Variants in WDR70 observed in about 807,000 individuals in gnomAD.
The protein encoded by WDR70 is WD repeat domain 70, also known as WD repeat-containing protein 70.
A neutral mutation model predicts 88.6 loss-of-function variants in WDR70; 53 were observed. That is an observed-to-expected ratio of 0.60 (90% CI 0.48 to 0.75). The LOEUF is 0.75. Among genes scored for constraint, WDR70 ranks in the 30% least tolerant of loss-of-function variants. WDR70 has a pLI of 0.00. For missense variants in WDR70, 610 were observed against 823.2 expected (o/e 0.74, Z 3.17); for synonymous variants, 280 against 270.0 (o/e 1.04, Z -0.36).
At chr5:37,733,580 T>C (rs189538083) in intron 17 of WDR70, among the ~76,000 whole-genome samples, 95 of 152,198 alleles carry the variant, frequency 6.2e-4, no homozygotes, top group African/African-American at 2.2e-3. Context: ...GTTCTGTCAA[T>C]TGGTCTGGCT....
chr5:37,678,243 T>C (rs1178282395), intron 10 of WDR70, among the ~76,000 whole-genome samples: 1 of 152,216 alleles, frequency 6.6e-6, no homozygotes, highest in East Asian at 1.9e-4. Context: ...TTAAAGTTAA[T>C]ATTGTTATGT....
chr5:37,487,621 A>ATTTTTTTTTTTTT (rs1561871968), intron 8 of WDR70, among the ~76,000 whole-genome samples: 12 of 37,700 alleles, frequency 3.2e-4, no homozygotes, highest in African/African-American at 8.8e-4. Context: ...ATATATATAT[A>ATTTTTTTTTTTTT]TATGTATTTT....
rs111426175 is a variant in WDR70, at chr5:37,699,946, CA to C, written c.1193-1103del. Among the ~76,000 whole-genome samples, 150 of 119,536 alleles carry C rather than the reference CA, an allele frequency of 1.3e-3. 1 individual carries two copies. The highest frequency in any genetic ancestry group is 4.3e-3 in the African/African-American group (136 of 31,442). The allele number at this position is 119,536 out of a possible 152,430, so 78.4% of individuals were successfully genotyped here. ...TGAGTGACAGAGCAAGACTCTGTCT[CA>C]AAAAAAAACAAAAAACAAAAACAAA... On this transcript the variant is annotated intron_variant, in intron 11 of 17. Coordinates refer to ENST00000265107, the MANE Select transcript of WDR70 (RefSeq NM_018034.4).
intron 10 of WDR70, among the ~76,000 whole-genome samples, chr5:37,643,478 G>T (rs1438887201): frequency 1.3e-5 from 2 of 150,884 alleles, no homozygotes; most frequent in African/African-American, 4.9e-5. Flanking sequence ...GTTTTTTGTG[G>T]TTCCATATAA....
intron 9 of WDR70, among the ~76,000 whole-genome samples, chr5:37,575,509 A>C (rs1743027244): frequency 6.6e-6 from 1 of 152,170 alleles, no homozygotes; most frequent in African/African-American, 2.4e-5. Context: ...GAAGATGGAA[A>C]TTGAGTTAAT....
intron 10 of WDR70, among the ~76,000 whole-genome samples, chr5:37,634,160 G>A (rs978064026): frequency 1.3e-5 from 2 of 151,752 alleles, no homozygotes; most frequent in African/African-American, 4.8e-5. Flanking sequence ...TTAGCTGGAC[G>A]TGGTGGCAGG....
intron 13 of WDR70, among the ~76,000 whole-genome samples, chr5:37,708,121 A>T (rs1158831793): frequency 2.0e-5 from 3 of 150,088 alleles, no homozygotes; most frequent in Non-Finnish European, 4.4e-5. Flanking sequence ...AATAGTAAAG[A>T]ACAAGGATTA....
At chr5:37,509,412 C>A (rs929672499) in intron 8 of WDR70, among the ~76,000 whole-genome samples, 2 of 149,746 alleles carry the variant, frequency 1.3e-5, no homozygotes, top group African/African-American at 4.9e-5. Context: ...TAATTTAATT[C>A]TCTTATGATC....
intron 10 of WDR70, among the ~76,000 whole-genome samples, chr5:37,694,802 A>T (rs1377640002): frequency 6.6e-6 from 1 of 151,912 alleles, no homozygotes; most frequent in East Asian, 1.9e-4. Flanking sequence ...CTATGTATCA[A>T]ACCTGCATAT....
chr5:37,597,079 T>G (rs1178161934), intron 9 of WDR70, among the ~76,000 whole-genome samples: 1 of 152,238 alleles, frequency 6.6e-6, no homozygotes, highest in Non-Finnish European at 1.5e-5. Context: ...TGTACTACTT[T>G]ATTTAGTGCA....
At chr5:37,611,591 A>T (rs1744193658) in intron 10 of WDR70, among the ~76,000 whole-genome samples, 1 of 151,928 alleles carries the variant, frequency 6.6e-6, no homozygotes, top group Non-Finnish European at 1.5e-5. Context: ...ATAATGTTTT[A>T]TCCTTGTTTC....
chr5:37,644,195 G>A (rs965792412), intron 10 of WDR70, among the ~76,000 whole-genome samples: 9 of 151,938 alleles, frequency 5.9e-5, no homozygotes, highest in Non-Finnish European at 1.2e-4. Flanking sequence ...ATATCATGAG[G>A]GGATGTTGAA....
At chr5:37,664,346 C>T (rs985303317) in intron 10 of WDR70, among the ~76,000 whole-genome samples, 2 of 152,338 alleles carry the variant, frequency 1.3e-5, no homozygotes, top group African/African-American at 4.8e-5. Flanking sequence ...ATCTCTGGCT[C>T]TCCAGTTTTA....
At chr5:37,531,562 A>G (rs930076849) in intron 9 of WDR70, among the ~76,000 whole-genome samples, 2 of 146,034 alleles carry the variant, frequency 1.4e-5, no homozygotes, top group African/African-American at 2.5e-5. Flanking sequence ...TTGTATTTTT[A>G]AGCTGCTGTT....
chr5:37,551,338 A>C (rs1257717879), intron 9 of WDR70, among the ~76,000 whole-genome samples: 1 of 151,816 alleles, frequency 6.6e-6, no homozygotes, highest in African/African-American at 2.4e-5. Context: ...ACAACAACAA[A>C]AAAAACTAGT....
intron 13 of WDR70, among the ~76,000 whole-genome samples, chr5:37,718,414 A>G (rs1747715095): frequency 6.6e-6 from 1 of 152,198 alleles, no homozygotes; most frequent in African/African-American, 2.4e-5. Context: ...GCTCACTTGA[A>G]AACATATTTG....
chr5:37,385,082 A>G (rs1030456040), intron 3 of WDR70, among the ~76,000 whole-genome samples: 1 of 152,174 alleles, frequency 6.6e-6, no homozygotes, highest in Non-Finnish European at 1.5e-5. Flanking sequence ...TATAAATGAT[A>G]CAGATGAACA....
chr5:37,703,409 G>T (rs1331234651), intron 13 of WDR70, among the ~76,000 whole-genome samples: 1 of 152,208 alleles, frequency 6.6e-6, no homozygotes, highest in Admixed American at 6.5e-5. Context: ...GGGCATGTTT[G>T]TGAGGATCTA....
chr5:37,560,286 A>G (rs1742461986), intron 9 of WDR70, among the ~76,000 whole-genome samples: 4 of 151,750 alleles, frequency 2.6e-5, no homozygotes, highest in South Asian at 2.1e-4. Context: ...AAATCATTAC[A>G]GATTTTGCAC....
Sources: gnomAD v4.1 joint callset for allele counts (sites outside exome capture counted in the v4.1 genomes callset) on GRCh38, gnomAD v4.1.1 for gene constraint, MANE v1.5 for transcripts, NCBI Gene and HGNC (gene_info 2026-07-23, HGNC 2026-07-21) for gene names.